Variants in CACNB4 observed in about 807,000 individuals in gnomAD.
CACNB4 encodes voltage-dependent L-type calcium channel subunit beta-4.
CACNB4 carries 32 observed loss-of-function variants against 71.2 expected under a neutral mutation model. That is an observed-to-expected ratio of 0.45 (90% confidence interval 0.34 to 0.60). CACNB4 has a LOEUF of 0.60. CACNB4 is among the 20% of genes least tolerant of loss of function. The pLI, the probability that CACNB4 is intolerant of heterozygous loss-of-function variation, is 0.01. For missense variants in CACNB4, 464 were observed against 647.9 expected (o/e 0.72, Z 3.08); for synonymous variants, 231 against 236.9 (o/e 0.97, Z 0.23).
At chr2:151,847,073 A>G (rs1378957397) in intron 12 of CACNB4, among the ~76,000 whole-genome samples, 1 of 151,346 alleles carries the variant, frequency 6.6e-6, no homozygotes, top group Non-Finnish European at 1.5e-5. Context: ...TGCTATTGTA[A>G]AATATAGAGA....
At chr2:152,083,988 A>G (rs4664525) in intron 2 of CACNB4, among the ~76,000 whole-genome samples, 21 of 152,268 alleles carry the variant, frequency 1.4e-4, no homozygotes, top group Non-Finnish European at 2.2e-4. Context: ...CACAAGTACA[A>G]ATGCATAAAA....
Position 151,837,979 on chromosome 2 carries a change from A to G in CACNB4, c.*1140T>C, listed in dbSNP as rs566198534. Reference sequence around the variant, plus strand: ...GAATATCAAAGTTGAGTGTGTCCACATAAAACGAAATTCCTTAGCATGATT... The same window carrying G: ...GAATATCAAAGTTGAGTGTGTCCACGTAAAACGAAATTCCTTAGCATGATT... On this transcript the variant is annotated 3_prime_UTR_variant, in exon 14 of 14. Transcript: ENST00000539935. 6.6e-6 allele frequency: 1 copy of G among 152,252 alleles called. No individual in the cohort carries two copies. The highest frequency in any genetic ancestry group is 1.5e-5 in the Non-Finnish European group (1 of 68,038). The allele number at this position is 152,252 out of a possible 1,614,324, so 9.4% of individuals were successfully genotyped here. A position where few individuals can be genotyped will look rare whatever the true frequency, so the allele number is the denominator to read the frequency against.
chr2:152,024,034 T>C (rs1683825929), intron 2 of CACNB4, among the ~76,000 whole-genome samples: 1 of 152,184 alleles, frequency 6.6e-6, no homozygotes, highest in Admixed American at 6.5e-5. Flanking sequence ...TAAGAACCAG[T>C]GTTGGCTGGG....
rs1272966192 is a variant in CACNB4, at chr2:152,047,437, T to C, written c.147+50893A>G. ...GATGAATTCTTACTTCCTTAACCAA[T>C]TGCAAATCAAAAAATCTTTGAATCC... On this transcript the variant is annotated intron_variant, in intron 2 of 13. Transcript: ENST00000539935. 3.9e-5 allele frequency among the ~76,000 whole-genome samples: 6 copies of C among 152,200 alleles called. No homozygotes were observed. In the East Asian group the frequency reaches 5.8e-4, roughly 15 times the overall value.
chr2:151,875,504 T>C (rs1434917003), intron 5 of CACNB4, among the ~76,000 whole-genome samples: 57 of 152,046 alleles, frequency 3.7e-4, no homozygotes, highest in East Asian at 2.5e-3. Context: ...CAATGAGCTG[T>C]TGGGTACACC....
intron 2 of CACNB4, among the ~76,000 whole-genome samples, chr2:152,004,800 T>C (rs1025804373): frequency 4.6e-5 from 7 of 152,180 alleles, no homozygotes; most frequent in African/African-American, 1.7e-4. Context: ...ACATCAGCAT[T>C]CTTCAATAGG....
At chr2:152,088,236 T>A (rs1202109701) in intron 2 of CACNB4, among the ~76,000 whole-genome samples, 2 of 151,410 alleles carry the variant, frequency 1.3e-5, no homozygotes, top group Non-Finnish European at 2.9e-5. Context: ...ACAATGATCA[T>A]TTTACCCACC....
At chr2:152,005,146 T>A (rs1331997940) in intron 2 of CACNB4, among the ~76,000 whole-genome samples, 1 of 152,196 alleles carries the variant, frequency 6.6e-6, no homozygotes, top group Admixed American at 6.5e-5. Flanking sequence ...AGAACTACCA[T>A]TCAACCCAGC....
At position 151,836,989 on chromosome 2, in the gene CACNB4, T is replaced by C. The variant is rs1253320765; in HGVS notation, c.*2130A>G. On this transcript the variant is annotated 3_prime_UTR_variant, in exon 14 of 14. Coordinates refer to ENST00000539935, the MANE Select transcript of CACNB4 (RefSeq NM_000726.5). Reference sequence around the variant, plus strand: ...CAGTAAAGCATATAGAAAAATGTTTTGGCTAATGTTTTCTTTCTCATGCAA... The same window carrying C: ...CAGTAAAGCATATAGAAAAATGTTTCGGCTAATGTTTTCTTTCTCATGCAA... 6.6e-6 allele frequency: 1 copy of C among 152,016 alleles called. No homozygotes were observed. The highest frequency in any genetic ancestry group is 1.5e-5 in the Non-Finnish European group (1 of 67,876). 9.4% of individuals were successfully genotyped at this position (152,016 alleles called of 1,614,324 possible). A position where few individuals can be genotyped will look rare whatever the true frequency, so the allele number is the denominator to read the frequency against.
At chr2:152,014,173 C>A (rs574635794) in intron 2 of CACNB4, among the ~76,000 whole-genome samples, 2 of 152,086 alleles carry the variant, frequency 1.3e-5, no homozygotes, top group East Asian at 3.9e-4. Context: ...ATGGTGAAAC[C>A]CCATCTCTAC....
chr2:151,974,689 C>G (rs2099873450), intron 2 of CACNB4, among the ~76,000 whole-genome samples: 1 of 152,030 alleles, frequency 6.6e-6, no homozygotes, highest in Admixed American at 6.6e-5. Flanking sequence ...TCCCCAAAAC[C>G]CAAATAGAAA....
At chr2:152,024,720 C>T (rs143946173) in intron 2 of CACNB4, among the ~76,000 whole-genome samples, 77 of 152,318 alleles carry the variant, frequency 5.1e-4, no homozygotes, top group African/African-American at 1.8e-3. Flanking sequence ...TAGGGACTTG[C>T]CATTGTTTGC....
chr2:151,998,315 CAAAAA>C (rs70974815), intron 2 of CACNB4, among the ~76,000 whole-genome samples: 3 of 110,718 alleles, frequency 2.7e-5, no homozygotes, highest in African/African-American at 1.2e-4. Context: ...ACTCCATCTC[CAAAAA>C]AAAAAAAAAA....
At chr2:152,062,733 C>A (rs959502054) in intron 2 of CACNB4, among the ~76,000 whole-genome samples, 6 of 152,122 alleles carry the variant, frequency 3.9e-5, no homozygotes, top group African/African-American at 1.2e-4. Flanking sequence ...CAATGACAGA[C>A]GGGAAGCATT....
intron 7 of CACNB4, 81 bp downstream of exon 7, chr2:151,870,761 C>T: frequency 3.1e-6 from 4 of 1,283,586 alleles, no homozygotes; most frequent in South Asian, 1.2e-5. Context: ...TTTATAGCCA[C>T]TTGGGTCACT....
At chr2:151,993,157 T>G (rs1186341240) in intron 2 of CACNB4, among the ~76,000 whole-genome samples, 1 of 151,930 alleles carries the variant, frequency 6.6e-6, no homozygotes, top group African/African-American at 2.4e-5. Flanking sequence ...TTTTGTTTTT[T>G]TTTTTTTTAA....
chr2:151,925,473 C>A (rs112148662), intron 2 of CACNB4, among the ~76,000 whole-genome samples: 1,962 of 152,268 alleles, frequency 0.013, 48 homozygotes, highest in African/African-American at 0.045. Flanking sequence ...AAAATCCTAT[C>A]AAGTTAATGT....
At chr2:151,876,734 G>GACTATATAA (rs1553757331) in intron 4 of CACNB4, among the ~76,000 whole-genome samples, 178 bp from the exon 5 acceptor site, 1 of 67,756 alleles carries the variant, frequency 1.5e-5, no homozygotes. Context: ...CTATACTATA[G>GACTATATAA]ACTATATTTT....
intron 9 of CACNB4, among the ~76,000 whole-genome samples, chr2:151,863,776 G>T (rs1198598425): frequency 6.6e-6 from 1 of 152,114 alleles, no homozygotes; most frequent in Non-Finnish European, 1.5e-5. Flanking sequence ...AGGGAAAGAT[G>T]CAGACAATAA....
Sources: gnomAD v4.1 joint callset for allele counts (sites outside exome capture counted in the v4.1 genomes callset) on GRCh38, gnomAD v4.1.1 for gene constraint, MANE v1.5 for transcripts, NCBI Gene and HGNC (gene_info 2026-07-23, HGNC 2026-07-21) for gene names.